Variants in TRAIP observed in about 807,000 individuals in gnomAD.
The protein encoded by TRAIP is E3 ubiquitin-protein ligase TRAIP.
In TRAIP, 37 loss-of-function variants were observed where a neutral mutation model predicts 65.0. The observed-to-expected ratio is 0.57, with a 90% CI of 0.44 to 0.75. The LOEUF is 0.75. TRAIP is among the 30% of genes least tolerant of loss of function. TRAIP has a pLI of 0.00. For missense variants in TRAIP, 481 were observed against 579.4 expected, an observed-to-expected ratio of 0.83 and a Z score of 1.74; for synonymous variants, 187 against 219.1, an observed-to-expected ratio of 0.85 and a Z score of 1.29.
chr3:49,829,694 T>C lies in TRAIP; in HGVS notation c.1159A>G (p.Ile387Val), dbSNP rs576081952. Reference sequence around the variant, plus strand: ...CCTAGGATGGCATTCCGGACAAAAATAGGGAAGGCACCAACCAGTTCCTCA... The same window carrying C: ...CCTAGGATGGCATTCCGGACAAAAACAGGGAAGGCACCAACCAGTTCCTCA... The part of the protein sequence containing the change: ...PDEELVGAFP[I>V]FVRNAILGQK... The change falls in exon 13 of 15, where the codon ATT becomes GTT. Residue 387 changes from isoleucine to valine, a missense_variant. Coordinates refer to ENST00000331456, the MANE Select transcript of TRAIP (RefSeq NM_005879.3). 38 of 1,613,974 alleles carry C rather than the reference T, an allele frequency of 2.4e-5. No homozygotes were observed. In the African/African-American group the frequency reaches 3.3e-4, roughly 14 times the overall value.
intron 10 of TRAIP, among the ~76,000 whole-genome samples, chr3:49,839,537 G>T (rs1396554255): frequency 6.6e-6 from 1 of 152,234 alleles, no homozygotes; most frequent in Non-Finnish European, 1.5e-5. Flanking sequence ...CAGTGCTTCT[G>T]CCCTATTCTC....
At chr3:49,840,669 T>C (rs2081831465) in intron 8 of TRAIP, 1 of 559,004 alleles carries the variant, frequency 1.8e-6, no homozygotes, top group Non-Finnish European at 3.2e-6. Context: ...GGTACAAAAA[T>C]AGGCCTCTGA....
intron 11 of TRAIP, among the ~76,000 whole-genome samples, chr3:49,830,617 A>G (rs2081722714): frequency 6.6e-6 from 1 of 152,316 alleles, no homozygotes; most frequent in South Asian, 2.1e-4. Flanking sequence ...GGCCTGGGGC[A>G]GAATAGCGCA....
chr3:49,831,087 C>T (rs11717256), intron 11 of TRAIP, among the ~76,000 whole-genome samples: 42,063 of 152,042 alleles, frequency 0.28, 6,072 homozygotes, highest in South Asian at 0.32. Context: ...CTACAGCCCA[C>T]GGGTCCTAGG....
At position 49,847,619 on chromosome 3, in the gene TRAIP, G is replaced by C; in HGVS notation, c.157-11C>G. 6.3e-7 allele frequency: 1 copy of C among 1,599,160 alleles called. No individual in the cohort carries two copies. The highest frequency in any genetic ancestry group is 8.5e-7 in the Non-Finnish European group (1 of 1,170,134). The stretch of plus-strand genomic sequence containing the variant: ...GGTTCTTTTGCCAACCTGGATGGGA[G>C]AACAAGGTAAGAGTATGATTGTGTA... On this transcript the variant is annotated splice_polypyrimidine_tract_variant and intron_variant, in intron 2 of 14. Transcript: ENST00000331456.
At chr3:49,843,634 G>A (rs1236893224) in intron 5 of TRAIP, 167 bp downstream of exon 5, 7 of 883,674 alleles carry the variant, frequency 7.9e-6, no homozygotes, top group Non-Finnish European at 7.0e-6. Context: ...GGATGGATGG[G>A]TACAGTATGG....
intron 1 of TRAIP, among the ~76,000 whole-genome samples, chr3:49,848,755 ACT>A (rs1298992685): frequency 1.3e-5 from 2 of 152,068 alleles, no homozygotes; most frequent in African/African-American, 4.8e-5. Context: ...GGTGATGGCT[ACT>A]CTGTTTACCC....
intron 1 of TRAIP, among the ~76,000 whole-genome samples, chr3:49,851,988 C>T (rs2081935774): frequency 2.7e-5 from 4 of 150,710 alleles, no homozygotes; most frequent in South Asian, 2.1e-4. Flanking sequence ...TGAGCCACCG[C>T]GCCCAGCCAA....
At chr3:49,846,385 C>T (rs2081882268) in intron 3 of TRAIP, among the ~76,000 whole-genome samples, 1 of 152,062 alleles carries the variant, frequency 6.6e-6, no homozygotes, top group South Asian at 2.1e-4. Context: ...TTTTGAGGCA[C>T]AGGCAGGCTA....
intron 12 of TRAIP, 26 bp downstream of exon 12, chr3:49,829,994 C>T (rs774944512): frequency 5.1e-5 from 82 of 1,613,932 alleles, no homozygotes; most frequent in Non-Finnish European, 6.4e-5. Context: ...AAAGGTTAGA[C>T]TGTGCTTCTT....
chr3:49,842,082 GA>G, intron 6 of TRAIP, 143 bp from the exon 7 acceptor site: 1 of 683,740 alleles, frequency 1.5e-6, no homozygotes, highest in Non-Finnish European at 2.6e-6. Flanking sequence ...TGTGCCCAAG[GA>G]AAGGCCCTGT....
At chr3:49,830,203 T>G in intron 11 of TRAIP, 135 bp from the exon 12 acceptor site, 1 of 956,840 alleles carries the variant, frequency 1.0e-6, no homozygotes, top group Non-Finnish European at 1.6e-6. Context: ...GCAAGGCACC[T>G]CAGTGATCCC....
chr3:49,837,268 T>A (rs943913012), intron 10 of TRAIP, among the ~76,000 whole-genome samples: 2 of 152,046 alleles, frequency 1.3e-5, no homozygotes, highest in African/African-American at 4.8e-5. Context: ...TTTGAGAGTT[T>A]GAGGCTATGA....
intron 3 of TRAIP, among the ~76,000 whole-genome samples, chr3:49,845,201 A>T (rs2081871663): frequency 6.6e-6 from 1 of 152,212 alleles, no homozygotes; most frequent in Admixed American, 6.5e-5. Flanking sequence ...GAGCCTCTCA[A>T]AGCCCCTGCA....
chr3:49,853,620 C>T (rs547456623), intron 1 of TRAIP, among the ~76,000 whole-genome samples: 24 of 151,574 alleles, frequency 1.6e-4, no homozygotes, highest in African/African-American at 5.1e-4. Flanking sequence ...CCGAGGTGGG[C>T]GGATCACGAG....
chr3:49,829,415 G>A, intron 14 of TRAIP, 43 bp downstream of exon 14: 1 of 1,613,812 alleles, frequency 6.2e-7, no homozygotes. Flanking sequence ...CATAGTATGG[G>A]CTCCACAGTT....
chr3:49,834,431 G>A (rs975964981), intron 10 of TRAIP, among the ~76,000 whole-genome samples: 1 of 152,206 alleles, frequency 6.6e-6, no homozygotes, highest in Non-Finnish European at 1.5e-5. Flanking sequence ...GGGGGTCCAT[G>A]AAGGAAAGGG....
Position 49,828,945 on chromosome 3 carries a change from G to T in TRAIP, c.*158C>A. 1.0e-6 allele frequency: 1 copy of T among 968,694 alleles called. No individual in the cohort carries two copies. The highest frequency in any genetic ancestry group is 1.6e-6 in the Non-Finnish European group (1 of 632,388). The allele number at this position is 968,694 out of a possible 1,614,324, so 60.0% of individuals were successfully genotyped here. A position where few individuals can be genotyped will look rare whatever the true frequency, so the allele number is the denominator to read the frequency against. On this transcript the variant is annotated 3_prime_UTR_variant, in exon 15 of 15. Coordinates refer to ENST00000331456, the MANE Select transcript of TRAIP (RefSeq NM_005879.3). ...GTGGGGCAGGGTGAGGGCAGGAAGA[G>T]CAGTCTCTGGGTGCCACACTCACCC...
Position 49,830,073 on chromosome 3 carries a change from A to C in TRAIP, c.1038-5T>G. 1 of 1,614,146 alleles carries C rather than the reference A, an allele frequency of 6.2e-7. No homozygotes were observed. The highest frequency in any genetic ancestry group is 8.5e-7 in the Non-Finnish European group (1 of 1,180,008). On this transcript the variant is annotated splice_polypyrimidine_tract_variant and splice_region_variant and intron_variant, in intron 11 of 14. Coordinates refer to ENST00000331456, the MANE Select transcript of TRAIP (RefSeq NM_005879.3). ...GGGACATCCTGAATTGGGGAGCTAC[A>C]AGAATGAGAGAGAAGGCAAGGGGTA...
Sources: gnomAD v4.1 joint callset for allele counts (sites outside exome capture counted in the v4.1 genomes callset) on GRCh38, gnomAD v4.1.1 for gene constraint, MANE v1.5 for transcripts, NCBI Gene and HGNC (gene_info 2026-07-23, HGNC 2026-07-21) for gene names.